SFMBT2: variants seen among roughly 807,000 people sequenced by gnomAD.
SFMBT2 encodes the protein scm-like with four MBT domains protein 2.
SFMBT2 carries 38 observed loss-of-function variants against 110.1 expected under a neutral mutation model. The observed-to-expected ratio is 0.35, with a 90% CI of 0.27 to 0.45. The LOEUF is 0.45. Among genes scored for constraint, SFMBT2 ranks in the 20% least tolerant of loss-of-function variants. SFMBT2 has a pLI of 1.00. For missense variants in SFMBT2, 1,011 were observed against 1,094.9 expected (o/e 0.92, Z 1.08); for synonymous variants, 425 against 425.4 (o/e 1.00, Z 0.01).
chr10:7,233,119 T>TA (rs1035561418), intron 9 of SFMBT2, among the ~76,000 whole-genome samples: 2 of 152,104 alleles, frequency 1.3e-5, no homozygotes, highest in African/African-American at 4.8e-5. Context: ...ACAATCTTAA[T>TA]AAAAAATAAA....
chr10:7,365,950 G>A (rs1270224229), intron 4 of SFMBT2, among the ~76,000 whole-genome samples: 1 of 152,172 alleles, frequency 6.6e-6, no homozygotes, highest in African/African-American at 2.4e-5. Context: ...TTAAAGTGGT[G>A]AGTTTTATGG....
chr10:7,241,945 T>C (rs903304235), intron 9 of SFMBT2, among the ~76,000 whole-genome samples: 10 of 152,332 alleles, frequency 6.6e-5, no homozygotes, highest in Middle Eastern at 3.4e-3. Flanking sequence ...TAGATTCTAA[T>C]ACTATTGAGG....
chr10:7,188,726 C>T lies in SFMBT2; in HGVS notation c.1706G>A (p.Ser569Asn), dbSNP rs772822198. The T allele has an allele frequency of 6.2e-7, 1 of 1,610,780 alleles. No individual in the cohort carries two copies. Among genetic ancestry groups the T allele is most frequent in the Non-Finnish European group, 8.5e-7 (1 of 1,178,384 alleles). ...CTTGTAGGCTGCGTTGATTATCATG[C>T]TAAGAACCTTTTGGGGAAAAAAATA... ...KCVLVLKEVL[S>N]MIINAAYKPG... is the part of the protein sequence containing the mutation. The change falls in exon 16 of 21, where the codon AGC (serine) becomes AAC (asparagine). Residue 569 changes from serine (S) to asparagine (N), a missense_variant. Physicochemically the swap from Ser to Asn is conservative, Grantham distance 46 (BLOSUM62 1). Around this residue, in one of 2 missense-constraint regions of SFMBT2, gnomAD observed 979 missense variants for 1,016.1 expected, o/e 0.96. Coordinates refer to ENST00000397167, the MANE Select transcript of SFMBT2 (RefSeq NM_001387889.1).
intron 16 of SFMBT2, chr10:7,176,466 A>G (rs751962163): frequency 6.2e-5 from 61 of 984,790 alleles, no homozygotes; most frequent in Non-Finnish European, 7.0e-5. Context: ...TGCGGGATAC[A>G]TACCTGATGG....
At chr10:7,269,831 T>C (rs1272352874) in intron 7 of SFMBT2, among the ~76,000 whole-genome samples, 1 of 113,384 alleles carries the variant, frequency 8.8e-6, no homozygotes, top group Non-Finnish European at 2.2e-5. Flanking sequence ...ATTTCTCTTT[T>C]TTTTTTTTTA....
At chr10:7,253,673 G>A (rs1840891529) in intron 7 of SFMBT2, among the ~76,000 whole-genome samples, 2 of 152,146 alleles carry the variant, frequency 1.3e-5, no homozygotes, top group African/African-American at 4.8e-5. Context: ...TCCAAACACA[G>A]GTATTTGTAG....
intron 4 of SFMBT2, among the ~76,000 whole-genome samples, chr10:7,304,376 T>C (rs1378252928): frequency 1.3e-5 from 2 of 152,134 alleles, no homozygotes; most frequent in African/African-American, 2.4e-5. Flanking sequence ...TCCCCAGCCA[T>C]GTGGAACTGT....
intron 20 of SFMBT2, among the ~76,000 whole-genome samples, chr10:7,166,799 T>C (rs780718492): frequency 2.6e-5 from 4 of 152,146 alleles, no homozygotes; most frequent in South Asian, 4.1e-4. Flanking sequence ...CCCTGGAACA[T>C]AGAATTCCAG....
intron 16 of SFMBT2, among the ~76,000 whole-genome samples, chr10:7,180,029 C>A (rs993688864): frequency 6.6e-6 from 1 of 152,178 alleles, no homozygotes; most frequent in Non-Finnish European, 1.5e-5. Flanking sequence ...GGGAAGCTGG[C>A]GGATGGCGTG....
chr10:7,186,408 T>C (rs1416725381), intron 16 of SFMBT2, among the ~76,000 whole-genome samples: 2 of 143,584 alleles, frequency 1.4e-5, no homozygotes, highest in Non-Finnish European at 3.0e-5. Context: ...CATATACACA[T>C]ACATACATAC....
chr10:7,315,023 A>AGAGG (rs1842953132), intron 4 of SFMBT2, among the ~76,000 whole-genome samples: 1 of 137,506 alleles, frequency 7.3e-6, no homozygotes, highest in Admixed American at 7.4e-5. Context: ...AAGAAAAGAG[A>AGAGG]GAGAAAGAAA....
chr10:7,171,019 T>G lies in SFMBT2; in HGVS notation c.2453A>C (p.Glu818Ala). 1 of 1,614,154 alleles carries G rather than the reference T, an allele frequency of 6.2e-7. No individual in the cohort carries two copies. The highest frequency in any genetic ancestry group is 8.5e-7 in the Non-Finnish European group (1 of 1,180,016). The change falls in exon 20 of 21, where the codon GAG (glutamate) becomes GCG (alanine). Residue 818 changes from glutamate (E) to alanine (A), a missense_variant. Coordinates refer to ENST00000397167, the MANE Select transcript of SFMBT2 (RefSeq NM_001387889.1). This position sits in a 1 kb window ranked among gnomAD's most constrained non-coding sequence, Gnocchi z 4.9. ...GACCGTCCACTCCAACGGGTTGCTC[T>G]CCAGAACCAGTCTCTCCTCCTCCTC... is the stretch of plus-strand genomic sequence containing the variant. ...KQEEEERLVL[E>A]SNPLEWTVTD...
intron 15 of SFMBT2, among the ~76,000 whole-genome samples, chr10:7,196,506 C>A (rs1838771661): frequency 1.3e-5 from 2 of 152,218 alleles, no homozygotes; most frequent in South Asian, 4.1e-4. Context: ...TGTGTTCCTG[C>A]CTCTCTCTCG....
At chr10:7,229,270 G>A (rs1446607490) in intron 9 of SFMBT2, among the ~76,000 whole-genome samples, 3 of 152,124 alleles carry the variant, frequency 2.0e-5, no homozygotes, top group Non-Finnish European at 2.9e-5. Context: ...AGGGACTATG[G>A]AAATTCTTTA....
At chr10:7,234,762 G>T (rs1392160546) in intron 9 of SFMBT2, among the ~76,000 whole-genome samples, 1 of 151,998 alleles carries the variant, frequency 6.6e-6, no homozygotes, top group African/African-American at 2.4e-5. Flanking sequence ...CAAAAGAGAA[G>T]AAAATCTCCA....
At chr10:7,378,919 A>C (rs928699537) in intron 2 of SFMBT2, among the ~76,000 whole-genome samples, 5 of 151,958 alleles carry the variant, frequency 3.3e-5, no homozygotes, top group African/African-American at 1.2e-4. Context: ...GTTTCAGAGC[A>C]CCAACTCCAC....
At chr10:7,319,908 AAG>A (rs1295807224) in intron 4 of SFMBT2, among the ~76,000 whole-genome samples, 9 of 125,144 alleles carry the variant, frequency 7.2e-5, no homozygotes, top group Non-Finnish European at 1.1e-4. Context: ...GAGAGAGACT[AAG>A]AGAGAGAGAC....
chr10:7,348,948 T>C (rs1844209947), intron 4 of SFMBT2, among the ~76,000 whole-genome samples: 1 of 152,166 alleles, frequency 6.6e-6, no homozygotes, highest in Admixed American at 6.5e-5. Context: ...ATGACAAGGA[T>C]GAGACCTCCA....
At chr10:7,320,720 G>T in intron 4 of SFMBT2, 2 of 575,516 alleles carry the variant, frequency 3.5e-6, no homozygotes, top group Non-Finnish European at 4.4e-6. Flanking sequence ...GTGTTTTGCG[G>T]GCTGACATGG....
Sources: gnomAD v4.1 joint callset for allele counts (sites outside exome capture counted in the v4.1 genomes callset) on GRCh38, gnomAD v4.1.1 for gene constraint, gnomAD v4.1.1 regional missense constraint, Gnocchi (gnomAD v3.1) non-coding constraint, MANE v1.5 for transcripts, NCBI Gene and HGNC (gene_info 2026-07-23, HGNC 2026-07-21) for gene names.